The following SIM1 variants were observed in gnomAD, a reference collection of about 807,000 sequenced individuals.
SIM1 encodes the protein single-minded homolog 1.
SIM1 carries 18 observed loss-of-function variants against 78.2 expected under a neutral mutation model. That is an observed-to-expected ratio of 0.23 (90% confidence interval 0.16 to 0.34). The LOEUF is 0.34. Ranked by LOEUF, SIM1 falls within the 10% of genes least tolerant of loss-of-function variation. The probability of loss-of-function intolerance (pLI) is 1.00; values close to 1 mark genes in which losing one functional copy is unlikely to be tolerated. For synonymous variants in SIM1, 417 were observed against 385.2 expected, an observed-to-expected ratio of 1.08 and a Z score of -0.97; for missense variants, 939 against 975.1, an observed-to-expected ratio of 0.96 and a Z score of 0.49.
At chr6:100,405,249 T>C (rs774095060) in intron 10 of SIM1, among the ~76,000 whole-genome samples, 5 of 151,982 alleles carry the variant, frequency 3.3e-5, no homozygotes, top group Non-Finnish European at 7.4e-5. Context: ...TCAAGAAAAG[T>C]TGGAGAATAT....
chr6:100,445,530 C>T (rs553896805), intron 9 of SIM1, among the ~76,000 whole-genome samples: 2 of 152,198 alleles, frequency 1.3e-5, no homozygotes, highest in East Asian at 3.9e-4. Flanking sequence ...TCAGGAATGA[C>T]AGAATCAACA....
chr6:100,450,203 C>T, intron 4 of SIM1, 64 bp downstream of exon 4: 1 of 1,421,576 alleles, frequency 7.0e-7, no homozygotes, highest in Admixed American at 1.7e-5. Flanking sequence ...AACCCAGCCC[C>T]CTACCCCTGC....
At chr6:100,392,584 A>G (rs1223457373) in intron 11 of SIM1, among the ~76,000 whole-genome samples, 1 of 152,248 alleles carries the variant, frequency 6.6e-6, no homozygotes, top group Non-Finnish European at 1.5e-5. Context: ...ATAGAAAGCA[A>G]GAATAGAAAC....
At chr6:100,449,278 A>C (rs1311530915) in intron 6 of SIM1, 85 bp downstream of exon 6, 7 of 1,131,486 alleles carry the variant, frequency 6.2e-6, no homozygotes, top group Non-Finnish European at 9.2e-6. Flanking sequence ...GTAGTCCCAG[A>C]GGTAGGGACA....
intron 10 of SIM1, among the ~76,000 whole-genome samples, chr6:100,400,609 G>A (rs952652041): frequency 6.6e-6 from 1 of 152,008 alleles, no homozygotes; most frequent in Admixed American, 6.5e-5. Flanking sequence ...GGAATGATAG[G>A]GACATGTCAA....
At chr6:100,450,696 T>TCTCTCACA (rs1421452803) in intron 3 of SIM1, among the ~76,000 whole-genome samples, 942 of 91,890 alleles carry the variant, frequency 0.01, 7 homozygotes, top group East Asian at 0.03. Context: ...TCTCTCTCTC[T>TCTCTCACA]CACACACACA....
intron 2 of SIM1, among the ~76,000 whole-genome samples, chr6:100,458,043 T>C (rs1269158372): frequency 1.0e-5 from 1 of 98,294 alleles, no homozygotes; most frequent in Non-Finnish European, 2.4e-5. Context: ...TCTCTCTCTC[T>C]CTCTCTCTCT....
intron 4 of SIM1, 27 bp from the exon 5 acceptor site, chr6:100,449,726 C>G (rs1327445573): frequency 6.3e-7 from 1 of 1,594,062 alleles, no homozygotes; most frequent in Non-Finnish European, 8.6e-7. Flanking sequence ...GTCGCCGTCG[C>G]CGTGGCGGTG....
intron 10 of SIM1, among the ~76,000 whole-genome samples, chr6:100,410,043 C>T (rs1032191166): frequency 3.3e-5 from 5 of 152,100 alleles, no homozygotes; most frequent in African/African-American, 4.8e-5. Flanking sequence ...ATTCCATGCA[C>T]TATAATACGC....
At chr6:100,395,292 T>A (rs1770741492) in intron 10 of SIM1, among the ~76,000 whole-genome samples, 1 of 152,190 alleles carries the variant, frequency 6.6e-6, no homozygotes, top group Non-Finnish European at 1.5e-5. Flanking sequence ...ATTTAATCAT[T>A]CCATATACAT....
chr6:100,455,431 C>A (rs1021898218), intron 2 of SIM1, among the ~76,000 whole-genome samples: 1 of 152,172 alleles, frequency 6.6e-6, no homozygotes, highest in Admixed American at 6.5e-5. Flanking sequence ...CCTGTACACA[C>A]CCCTTGGCCT....
chr6:100,418,330 C>T (rs926537197), intron 10 of SIM1, among the ~76,000 whole-genome samples: 1 of 150,542 alleles, frequency 6.6e-6, no homozygotes, highest in Non-Finnish European at 1.5e-5. Context: ...GCACTCCAGC[C>T]TGGGCAGCAG....
At chr6:100,443,360 A>G (rs1772263157) in intron 9 of SIM1, among the ~76,000 whole-genome samples, 1 of 152,136 alleles carries the variant, frequency 6.6e-6, no homozygotes, top group Non-Finnish European at 1.5e-5. Context: ...GTCTTTGCTA[A>G]GAAAAAGAAG....
Position 100,412,628 on chromosome 6 carries a change from GAAAGAAAGA to G in SIM1, c.1167+8153_1167+8161del, listed in dbSNP as rs755501715. ...GAAAGAAAGGAAAGAAAGAAGGAAA[GAAAGAAAGA>G]AAAGAAAGAAAGAAAGAAAGAGAGA... is the stretch of plus-strand genomic sequence containing the variant. On this transcript the variant is annotated intron_variant, in intron 10 of 11. Coordinates refer to ENST00000369208, the MANE Select transcript of SIM1 (RefSeq NM_005068.3). Among the ~76,000 whole-genome samples the G allele has an allele frequency of 6.4e-4, 58 of 90,106 alleles. 4 individuals carry two copies. In the East Asian group the frequency reaches 0.013, roughly 21 times the overall value. The allele number at this position is 90,106 out of a possible 152,430, so 59.1% of individuals were successfully genotyped here.
intron 4 of SIM1, 89 bp downstream of exon 4, chr6:100,450,178 G>T: frequency 9.6e-7 from 1 of 1,037,092 alleles, no homozygotes. Context: ...GTTTAGAGAA[G>T]CACACCCAGC....
chr6:100,431,866 G>T (rs1199627488), intron 9 of SIM1, among the ~76,000 whole-genome samples: 1 of 152,186 alleles, frequency 6.6e-6, no homozygotes, highest in Non-Finnish European at 1.5e-5. Context: ...GGCCCAGAAA[G>T]AGATAATAGT....
intron 9 of SIM1, chr6:100,437,527 G>C (rs1300435846): frequency 4.0e-5 from 6 of 150,536 alleles, no homozygotes; most frequent in African/African-American, 1.5e-4. Context: ...TCAGAATATT[G>C]ATATCCAAAA....
chr6:100,412,559 G>T (rs867841746), intron 10 of SIM1, among the ~76,000 whole-genome samples: 1 of 18,558 alleles, frequency 5.4e-5, no homozygotes, highest in Non-Finnish European at 1.0e-4. Flanking sequence ...AGAAAGAAAA[G>T]AAAGAAAGAA....
Position 100,449,718 on chromosome 6 carries a change from C to A in SIM1, c.349-19G>T. The A allele has an allele frequency of 6.2e-7, 1 of 1,601,700 alleles. No homozygotes were observed. Among genetic ancestry groups the A allele is most frequent in the South Asian group, 1.1e-5 (1 of 90,878 alleles). ...GCTCTACCTGTAAAGAGGAGGATGT[C>A]GCCGTCGCCGTGGCGGTGGAATGCC... On this transcript the variant is annotated intron_variant, in intron 4 of 11. Coordinates refer to ENST00000369208, the MANE Select transcript of SIM1 (RefSeq NM_005068.3).
Sources: gnomAD v4.1 joint callset for allele counts (sites outside exome capture counted in the v4.1 genomes callset) on GRCh38, gnomAD v4.1.1 for gene constraint, MANE v1.5 for transcripts, NCBI Gene and HGNC (gene_info 2026-07-23, HGNC 2026-07-21) for gene names.